NCAM2: variants seen among roughly 807,000 people sequenced by gnomAD.
NCAM2 encodes N-CAM-2.
A neutral mutation model predicts 98.1 loss-of-function variants in NCAM2; 30 were observed. The ratio of observed to expected loss-of-function variants is 0.31; its 90% CI spans 0.23 to 0.41. The LOEUF (loss-of-function observed/expected upper bound fraction) is 0.41. NCAM2 is among the 10% of genes least tolerant of loss of function. The pLI is 1.00. For synonymous variants in NCAM2, 368 were observed against 342.4 expected (o/e 1.07, Z -0.83); for missense variants, 867 against 1,005.8 (o/e 0.86, Z 1.87).
At chr21:21,329,873 G>A (rs2074623506) in intron 6 of NCAM2, among the ~76,000 whole-genome samples, 1 of 152,034 alleles carries the variant, frequency 6.6e-6, no homozygotes, top group Admixed American at 6.6e-5. Flanking sequence ...TCTTTAGTGA[G>A]CTTAGATGAT....
chr21:21,005,551 T>A (rs992092484), intron 1 of NCAM2, among the ~76,000 whole-genome samples: 3 of 152,172 alleles, frequency 2.0e-5, no homozygotes, highest in Non-Finnish European at 4.4e-5. Flanking sequence ...TTGATCTTTT[T>A]ATTGGCCAAT....
At chr21:21,299,847 A>G (rs2073643703) in intron 5 of NCAM2, among the ~76,000 whole-genome samples, 1 of 152,036 alleles carries the variant, frequency 6.6e-6, no homozygotes, top group Admixed American at 6.6e-5. Flanking sequence ...TGTAGGACCA[A>G]CATCCATGGG....
chr21:21,468,329 AAAT>A (rs1309928022), intron 13 of NCAM2, among the ~76,000 whole-genome samples: 1 of 152,044 alleles, frequency 6.6e-6, no homozygotes, highest in Non-Finnish European at 1.5e-5. Flanking sequence ...TACATTAAGA[AAAT>A]AAAAATGATT....
chr21:21,460,805 T>A (rs1982863738), intron 12 of NCAM2, among the ~76,000 whole-genome samples: 1 of 151,810 alleles, frequency 6.6e-6, no homozygotes, highest in African/African-American at 2.4e-5. Flanking sequence ...GATCAATAAC[T>A]GAGAAAAATT....
intron 16 of NCAM2, among the ~76,000 whole-genome samples, chr21:21,519,128 T>G (rs923177426): frequency 6.6e-6 from 1 of 152,120 alleles, no homozygotes; most frequent in African/African-American, 2.4e-5. Flanking sequence ...GAGAAACTGG[T>G]ATAAATATCA....
intron 12 of NCAM2, among the ~76,000 whole-genome samples, chr21:21,437,702 A>G (rs111912852): frequency 3.9e-5 from 6 of 152,182 alleles, no homozygotes; most frequent in African/African-American, 1.4e-4. Context: ...AAAAACAATT[A>G]TATGGCTGCT....
intron 1 of NCAM2, among the ~76,000 whole-genome samples, chr21:21,263,676 C>T (rs1359065105): frequency 4.6e-5 from 7 of 152,086 alleles, no homozygotes; most frequent in African/African-American, 1.7e-4. Flanking sequence ...ATCAATGAAA[C>T]AGAATAGACA....
chr21:21,484,676 A>G (rs545944872), intron 15 of NCAM2, among the ~76,000 whole-genome samples: 23 of 152,316 alleles, frequency 1.5e-4, no homozygotes, highest in African/African-American at 5.5e-4. Context: ...CCAATTAATT[A>G]TGCATGTATC....
chr21:21,168,247 A>AC (rs1190980990), intron 1 of NCAM2, among the ~76,000 whole-genome samples: 1 of 151,970 alleles, frequency 6.6e-6, no homozygotes, highest in African/African-American at 2.4e-5. Flanking sequence ...AAAATCCAAC[A>AC]CCCATTCATG....
chr21:21,373,148 G>A (rs1421331790), intron 8 of NCAM2, among the ~76,000 whole-genome samples: 1 of 151,632 alleles, frequency 6.6e-6, no homozygotes, highest in African/African-American at 2.4e-5. Flanking sequence ...AAAAATATTA[G>A]AATATACTGT....
rs757208487 is a variant in NCAM2 at position 21,538,574 on chromosome 21, G to T, written c.*617G>T. On this transcript the variant is annotated 3_prime_UTR_variant, in exon 18 of 18. Transcript: ENST00000400546. ...CAACATTGATTTTTGATAGACTGAA[G>T]TGCCAGATCAAAATTGTTACCCATT... 6.6e-6 allele frequency: 1 copy of T among 152,430 alleles called. No homozygotes were observed. Among genetic ancestry groups the T allele is most frequent in the Non-Finnish European group, 1.5e-5 (1 of 68,008 alleles). 9.4% of individuals were successfully genotyped at this position (152,430 alleles called of 1,614,324 possible).
chr21:21,483,169 A>C (rs1358169825), intron 15 of NCAM2, among the ~76,000 whole-genome samples: 1 of 152,026 alleles, frequency 6.6e-6, no homozygotes, highest in Non-Finnish European at 1.5e-5. Context: ...TAACCAAAAA[A>C]GACGTTAGTA....
intron 1 of NCAM2, among the ~76,000 whole-genome samples, chr21:21,277,822 A>G (rs1380371241): frequency 6.6e-6 from 1 of 152,164 alleles, no homozygotes; most frequent in Non-Finnish European, 1.5e-5. Flanking sequence ...CAAAAGTGAG[A>G]AAAAATATGG....
intron 1 of NCAM2, among the ~76,000 whole-genome samples, chr21:21,153,281 C>A (rs1342457007): frequency 6.7e-6 from 1 of 149,886 alleles, no homozygotes; most frequent in Non-Finnish European, 1.5e-5. Flanking sequence ...TCTTTCAGAT[C>A]TTAGTTTAAA....
intron 5 of NCAM2, among the ~76,000 whole-genome samples, chr21:21,322,844 A>G (rs1276330149): frequency 6.6e-6 from 1 of 152,198 alleles, no homozygotes; most frequent in Non-Finnish European, 1.5e-5. Context: ...AATTAGTGGT[A>G]TCTCTGTTGC....
intron 9 of NCAM2, among the ~76,000 whole-genome samples, chr21:21,382,397 T>A (rs1423731095): frequency 6.6e-6 from 1 of 152,216 alleles, no homozygotes; most frequent in Non-Finnish European, 1.5e-5. Context: ...ATCTCATTTC[T>A]CACTGCCCTT....
intron 5 of NCAM2, among the ~76,000 whole-genome samples, chr21:21,315,173 G>C (rs908420337): frequency 1.1e-4 from 17 of 152,186 alleles, no homozygotes; most frequent in Admixed American, 1.1e-3. Context: ...ACCTTTCAGT[G>C]ACTGTCAGAT....
chr21:21,307,006 T>C (rs1473243409), intron 5 of NCAM2, among the ~76,000 whole-genome samples: 1 of 152,144 alleles, frequency 6.6e-6, no homozygotes, highest in Non-Finnish European at 1.5e-5. Context: ...TCTATCCATG[T>C]GGTTGCAAAT....
chr21:21,297,087 C>A (rs2073514952), intron 5 of NCAM2, among the ~76,000 whole-genome samples: 1 of 151,688 alleles, frequency 6.6e-6, no homozygotes, highest in African/African-American at 2.4e-5. Flanking sequence ...AAATGGGGAA[C>A]ATCACAAAGT....
Sources: allele counts gnomAD v4.1 joint callset (sites outside exome capture counted in the v4.1 genomes callset), GRCh38; gene constraint gnomAD v4.1.1; transcripts MANE v1.5; gene names NCBI Gene and HGNC (gene_info 2026-07-23, HGNC 2026-07-21).